The following STEAP4 variants were observed in gnomAD, a reference collection of about 807,000 sequenced individuals.
The protein encoded by STEAP4 is metalloreductase STEAP4.
In STEAP4, 36 loss-of-function variants were observed where a neutral mutation model predicts 43.6. The ratio of observed to expected loss-of-function variants is 0.83; its 90% CI spans 0.63 to 1.09. The LOEUF (loss-of-function observed/expected upper bound fraction) is 1.09, where lower values mean the gene tolerates loss of function less well. Ranked by LOEUF, STEAP4 falls within the 50% of genes least tolerant of loss-of-function variation. The probability of loss-of-function intolerance (pLI) is 0.00; values close to 1 mark genes in which losing one functional copy is unlikely to be tolerated. For missense variants in STEAP4, 495 were observed against 546.5 expected, an observed-to-expected ratio of 0.91 and a Z score of 0.94; for synonymous variants, 191 against 196.7, an observed-to-expected ratio of 0.97 and a Z score of 0.24.
chr7:88,304,426 A>G (rs1853094033), intron 1 of STEAP4: 2 of 152,128 alleles, frequency 1.3e-5, no homozygotes, highest in South Asian at 4.1e-4. Context: ...GCATAAACTT[A>G]CAACAAAAAA....
chr7:88,299,143 T>C (rs1336526365), intron 1 of STEAP4, among the ~76,000 whole-genome samples: 1 of 152,238 alleles, frequency 6.6e-6, no homozygotes, highest in African/African-American at 2.4e-5. Flanking sequence ...ACTATTTTAA[T>C]TGTATTTTAG....
chr7:88,302,660 A>G (rs1209847860), intron 1 of STEAP4, among the ~76,000 whole-genome samples: 1 of 151,570 alleles, frequency 6.6e-6, no homozygotes, highest in Admixed American at 6.6e-5. Context: ...TTTTTCCTTA[A>G]TATTGGGTGC....
At chr7:88,279,730 G>T (rs1372784094) in intron 4 of STEAP4, 102 bp from the exon 5 acceptor site, 5 of 965,038 alleles carry the variant, frequency 5.2e-6, no homozygotes, top group East Asian at 2.6e-5. Flanking sequence ...ACAAACATTT[G>T]AGACCTATAA....
rs185725561 is a variant in STEAP4, at chr7:88,300,059, A to C, written c.-3+6733T>G. Among the ~76,000 whole-genome samples the C allele has an allele frequency of 2.4e-3, 360 of 152,316 alleles. 4 individuals are homozygous for C. The highest frequency in any genetic ancestry group is 3.4e-3 in the Middle Eastern group (1 of 294). On this transcript the variant is annotated intron_variant, in intron 1 of 4. Transcript: ENST00000380079. Reference sequence around the variant, plus strand: ...GCTGCTGGCTATAATCTGGCCTTGCAGCTGCTCCATTTCTGACCTCAGGGG... The same window carrying C: ...GCTGCTGGCTATAATCTGGCCTTGCCGCTGCTCCATTTCTGACCTCAGGGG...
intron 1 of STEAP4, among the ~76,000 whole-genome samples, chr7:88,291,962 C>G (rs17259058): frequency 0.15 from 23,272 of 152,054 alleles, 1,975 homozygotes; most frequent in Non-Finnish European, 0.2. Context: ...AGCCAAGATG[C>G]GTAAAGTGAT....
intron 1 of STEAP4, among the ~76,000 whole-genome samples, chr7:88,294,701 T>C (rs907162855): frequency 2.0e-5 from 3 of 152,146 alleles, no homozygotes; most frequent in African/African-American, 7.2e-5. Context: ...TACTTTCTTT[T>C]CTTACACTTG....
intron 1 of STEAP4, among the ~76,000 whole-genome samples, chr7:88,289,524 G>C (rs17150408): frequency 0.036 from 5,459 of 152,164 alleles, 303 homozygotes; most frequent in African/African-American, 0.13. Context: ...TTCCATTTTA[G>C]CCTATCAAAA....
At chr7:88,287,408 C>G (rs1421532493) in intron 1 of STEAP4, among the ~76,000 whole-genome samples, 2 of 152,114 alleles carry the variant, frequency 1.3e-5, no homozygotes, top group Non-Finnish European at 2.9e-5. Flanking sequence ...ATTCACCTTG[C>G]CTGCTGCCTA....
chr7:88,304,591 A>G (rs1472081177), intron 1 of STEAP4, among the ~76,000 whole-genome samples: 1 of 152,048 alleles, frequency 6.6e-6, no homozygotes, highest in African/African-American at 2.4e-5. Flanking sequence ...AAAGTGCCCT[A>G]GCAAAGTGCC....
rs1353756924 is a variant in STEAP4, at chr7:88,278,239, A to T, written c.*1159T>A. On this transcript the variant is annotated 3_prime_UTR_variant, in exon 5 of 5. Coordinates refer to ENST00000380079, the MANE Select transcript of STEAP4 (RefSeq NM_024636.4). ...AAGGGTACTATCAGCACAGAAAAAC[A>T]GTGAGAACCATCCTAAATTTCAGCA... The T allele has an allele frequency of 1.3e-5, 2 of 152,160 alleles. No individual in the cohort carries two copies. Among genetic ancestry groups the T allele is most frequent in the Non-Finnish European group, 2.9e-5 (2 of 68,032 alleles). 9.4% of individuals were successfully genotyped at this position (152,160 alleles called of 1,614,324 possible).
At chr7:88,289,060 G>A (rs999684780) in intron 1 of STEAP4, among the ~76,000 whole-genome samples, 3 of 148,186 alleles carry the variant, frequency 2.0e-5, no homozygotes, top group Non-Finnish European at 4.5e-5. Flanking sequence ...GCATGCATGC[G>A]CGTGTGTGTG....
chr7:88,298,230 G>C (rs570727988), intron 1 of STEAP4: 30 of 151,778 alleles, frequency 2.0e-4, no homozygotes, highest in African/African-American at 7.0e-4. Flanking sequence ...TTAATAGCTG[G>C]GTCATATGAA....
chr7:88,288,206 C>T (rs887531724), intron 1 of STEAP4, among the ~76,000 whole-genome samples: 7 of 152,142 alleles, frequency 4.6e-5, no homozygotes, highest in Non-Finnish European at 1.0e-4. Flanking sequence ...GTTTCGTTCT[C>T]GTTGCCCAGG....
intron 1 of STEAP4, chr7:88,292,639 T>G (rs1852853840): frequency 6.6e-6 from 1 of 152,280 alleles, no homozygotes; most frequent in African/African-American, 2.4e-5. Context: ...ATCTCATGTG[T>G]ATGCTCATGT....
intron 1 of STEAP4, among the ~76,000 whole-genome samples, chr7:88,305,598 G>A (rs1304239954): frequency 6.6e-6 from 1 of 152,212 alleles, no homozygotes; most frequent in Non-Finnish European, 1.5e-5. Context: ...AATGATAAAT[G>A]TGGCAGAACT....
rs1482969393 is a variant in STEAP4, at chr7:88,278,532, T to A, written c.*866A>T. 6.6e-6 allele frequency: 1 copy of A among 152,234 alleles called. No homozygotes were observed. The highest frequency in any genetic ancestry group is 1.5e-5 in the Non-Finnish European group (1 of 68,042). 9.4% of individuals were successfully genotyped at this position (152,234 alleles called of 1,614,324 possible). A position where few individuals can be genotyped will look rare whatever the true frequency, so the allele number is the denominator to read the frequency against. On this transcript the variant is annotated 3_prime_UTR_variant, in exon 5 of 5. Coordinates refer to ENST00000380079, the MANE Select transcript of STEAP4 (RefSeq NM_024636.4). ...GCATATTATAATACCTAAATAATAC[T>A]TAACCTAATATAGTGCAATTTTACA...
At chr7:88,280,876 A>C in intron 4 of STEAP4, 39 bp downstream of exon 4, 2 of 1,504,210 alleles carry the variant, frequency 1.3e-6, no homozygotes, top group Non-Finnish European at 1.8e-6. Context: ...GAAGTGATGG[A>C]GCAAAATGAA....
chr7:88,281,198 T>A, intron 3 of STEAP4, 119 bp from the exon 4 acceptor site: 1 of 743,688 alleles, frequency 1.3e-6, no homozygotes, highest in Non-Finnish European at 1.9e-6. Flanking sequence ...TGGCATTTCT[T>A]AAAAATTATT....
chr7:88,282,569 A>T, intron 3 of STEAP4, 72 bp downstream of exon 3: 1 of 1,352,166 alleles, frequency 7.4e-7, no homozygotes, highest in Non-Finnish European at 1.0e-6. Context: ...TTCTATAATT[A>T]TGAAATGGAA....
Sources: allele counts gnomAD v4.1 joint callset (sites outside exome capture counted in the v4.1 genomes callset), GRCh38; gene constraint gnomAD v4.1.1; transcripts MANE v1.5; gene names NCBI Gene and HGNC (gene_info 2026-07-23, HGNC 2026-07-21).